The following ATAD2 variants were observed in gnomAD, a reference collection of about 807,000 sequenced individuals.
The protein encoded by ATAD2 is ATPase family AAA domain-containing protein 2.
In ATAD2, 62 loss-of-function variants were observed where a neutral mutation model predicts 168.9. The ratio of observed to expected loss-of-function variants is 0.37; its 90% CI spans 0.30 to 0.45. The LOEUF is 0.45. Ranked by LOEUF, ATAD2 falls within the 20% of genes least tolerant of loss-of-function variation. ATAD2 has a pLI of 1.00. For missense variants in ATAD2, 1,419 were observed against 1,667.8 expected (o/e 0.85, Z 2.60); for synonymous variants, 613 against 571.6 (o/e 1.07, Z -1.03).
intron 26 of ATAD2, 37 bp from the exon 27 acceptor site, chr8:123,323,103 G>C (rs371404995): frequency 6.3e-7 from 1 of 1,578,942 alleles, no homozygotes; most frequent in African/African-American, 1.4e-5. Flanking sequence ...GTGTGAGAGA[G>C]AAACTTCCTC....
Position 123,326,592 on chromosome 8 carries a change from C to G in ATAD2, c.3869-566G>C, listed in dbSNP as rs574374529. Among the ~76,000 whole-genome samples, 3 of 152,052 alleles carry G rather than the reference C, an allele frequency of 2.0e-5. No individual in the cohort carries two copies. The South Asian group carries it at 6.2e-4, about 32-fold the overall frequency. ...GCTTGGGAGGCTGAGGTTTGAGGAT[C>G]GTTTGAGCCGAGGAGGCAGAAGTTG... is the stretch of plus-strand genomic sequence containing the variant. On this transcript the variant is annotated intron_variant, in intron 25 of 27. Coordinates refer to ENST00000287394, the MANE Select transcript of ATAD2 (RefSeq NM_014109.4).
At chr8:123,371,050 T>G in intron 5 of ATAD2, 60 bp from the exon 6 acceptor site, 1 of 1,330,854 alleles carries the variant, frequency 7.5e-7, no homozygotes, top group Non-Finnish European at 1.0e-6. Context: ...AAAAATTAAG[T>G]TGGATCCTCC....
intron 1 of ATAD2, among the ~76,000 whole-genome samples, chr8:123,393,101 C>T (rs771957521): frequency 1.3e-4 from 19 of 150,422 alleles, no homozygotes; most frequent in Non-Finnish European, 1.9e-4. Flanking sequence ...AGGAGAATGG[C>T]GTGAACCCGG....
chr8:123,400,427 T>G (rs913609905), upstream of ATAD2, among the ~76,000 whole-genome samples: 2 of 152,108 alleles, frequency 1.3e-5, no homozygotes, highest in Non-Finnish European at 2.9e-5. This position sits in a 1 kb window ranked among gnomAD's most constrained non-coding sequence, Gnocchi z 4.5. Context: ...ACCAGCTACT[T>G]GGGAGGCTGA....
At chr8:123,365,261 T>A (rs1289017483) in intron 8 of ATAD2, among the ~76,000 whole-genome samples, 1 of 152,104 alleles carries the variant, frequency 6.6e-6, no homozygotes, top group Admixed American at 6.6e-5. Context: ...TACAAAACAC[T>A]GCTGAAAGAA....
In ATAD2 at chr8:123,356,046, C is replaced by G. The variant is rs770480547; in HGVS notation, c.1646+343G>C. 87 of 154,068 alleles carry G rather than the reference C, an allele frequency of 5.6e-4. No individual in the cohort carries two copies. The Middle Eastern group carries it at 0.017, about 30-fold the overall frequency. The allele number at this position is 154,068 out of a possible 1,614,324, so 9.5% of individuals were successfully genotyped here. On this transcript the variant is annotated intron_variant, in intron 13 of 27. Coordinates refer to ENST00000287394, the MANE Select transcript of ATAD2 (RefSeq NM_014109.4). Reference sequence around the variant, plus strand: ...GATTCTCCTGATTCTCCTGCCTCAGCCTTCCACGGAGCTGGGATTATTAGG... The same window carrying G: ...GATTCTCCTGATTCTCCTGCCTCAGGCTTCCACGGAGCTGGGATTATTAGG...
Position 123,349,272 on chromosome 8 carries a change from A to T in ATAD2, c.1806+13T>A. On this transcript the variant is annotated intron_variant, in intron 14 of 27. Transcript: ENST00000287394. ...TATATTTTGTCAAAATTTGAGTGAC[A>T]TTAAATTCTTACCTCTTTATCAGGC... is the stretch of plus-strand genomic sequence containing the variant. 1 of 1,607,968 alleles carries T rather than the reference A, an allele frequency of 6.2e-7. No homozygotes were observed. Among genetic ancestry groups the T allele is most frequent in the Non-Finnish European group, 8.5e-7 (1 of 1,178,370 alleles).
rs555520838 is a variant in ATAD2, at chr8:123,346,983, A to C, written c.2212+109T>G. 4.2e-5 allele frequency: 54 copies of C among 1,274,968 alleles called. No individual in the cohort carries two copies. In the East Asian group the frequency reaches 1.2e-3, roughly 29 times the overall value. The allele number at this position is 1,274,968 out of a possible 1,614,324, so 79.0% of individuals were successfully genotyped here. A position where few individuals can be genotyped will look rare whatever the true frequency, so the allele number is the denominator to read the frequency against. ...CAAATATCCCAGGTAAAGCATTACC[A>C]AATTCTTTTCAAGAGATTCTTTTAC... is the stretch of plus-strand genomic sequence containing the variant. On this transcript the variant is annotated intron_variant, in intron 16 of 27. Coordinates refer to ENST00000287394, the MANE Select transcript of ATAD2 (RefSeq NM_014109.4).
chr8:123,360,124 T>TA lies in ATAD2; in HGVS notation c.1158-440dup, dbSNP rs1346727615. ...GAAGGTATTATTATTTTCCCCATTT[T>TA]AAAACAAAACCAAGACATAGAAAGA... is the stretch of plus-strand genomic sequence containing the variant. On this transcript the variant is annotated intron_variant, in intron 9 of 27. Transcript: ENST00000287394. Among the ~76,000 whole-genome samples, 5 of 152,316 alleles carry TA rather than the reference T, an allele frequency of 3.3e-5. No individual in the cohort carries two copies. The South Asian group carries it at 8.3e-4, about 25-fold the overall frequency.
intron 19 of ATAD2, among the ~76,000 whole-genome samples, chr8:123,341,023 G>GC (rs529211337): frequency 2.8e-4 from 42 of 151,292 alleles, no homozygotes; most frequent in Admixed American, 2.6e-4. Flanking sequence ...ACTCACTGCA[G>GC]CCCCCACCTC....
At chr8:123,407,974 A>G (rs1446259270) in intron 1 of ATAD2, among the ~76,000 whole-genome samples, 1 of 152,162 alleles carries the variant, frequency 6.6e-6, no homozygotes, top group African/African-American at 2.4e-5. Flanking sequence ...TCATGATTCC[A>G]CTACCTCATT....
intron 25 of ATAD2, 97 bp downstream of exon 25, chr8:123,328,093 G>T: frequency 9.9e-7 from 1 of 1,012,514 alleles, no homozygotes; most frequent in Non-Finnish European, 1.3e-6. Context: ...TCTCTGAAAG[G>T]CAAGCAAAAA....
Position 123,329,981 on chromosome 8 carries a change from C to CTTTTTTTTTTTTTTT in ATAD2, c.3479-1417_3479-1403dup, listed in dbSNP as rs71310666. On this transcript the variant is annotated intron_variant, in intron 24 of 27. Transcript: ENST00000287394. ...AGATTACCTTTCTCCCCAGTGGCTT[C>CTTTTTTTTTTTTTTT]TTTTTTTTTTTTTTTTTTTTTTTTG... Among the ~76,000 whole-genome samples the CTTTTTTTTTTTTTTT allele has an allele frequency of 3.7e-4, 37 of 100,314 alleles. 1 individual carries two copies. The highest frequency in any genetic ancestry group is 1.2e-3 in the African/African-American group (34 of 27,596). The allele number at this position is 100,314 out of a possible 152,430, so 65.8% of individuals were successfully genotyped here. A position where few individuals can be genotyped will look rare whatever the true frequency, so the allele number is the denominator to read the frequency against.
chr8:123,401,409 C>CT (rs1011912346), upstream of ATAD2: 5 of 1,378,292 alleles, frequency 3.6e-6, no homozygotes, highest in Middle Eastern at 2.2e-4. Flanking sequence ...CCGAAGGGAA[C>CT]TTGCTGTATC....
chr8:123,384,588 A>G (rs994833384), intron 1 of ATAD2, among the ~76,000 whole-genome samples: 1 of 152,212 alleles, frequency 6.6e-6, no homozygotes, highest in African/African-American at 2.4e-5. Context: ...AGAGGCAAGA[A>G]AGCAAGAGTA....
At chr8:123,398,871 G>T (rs1812961443), upstream of ATAD2, among the ~76,000 whole-genome samples, 1 of 152,128 alleles carries the variant, frequency 6.6e-6, no homozygotes, top group Non-Finnish European at 1.5e-5. Context: ...TAAAATAATT[G>T]TTTAACCAAC....
intron 1 of ATAD2, among the ~76,000 whole-genome samples, chr8:123,415,278 A>G (rs1212850706): frequency 6.6e-6 from 1 of 152,236 alleles, no homozygotes; most frequent in Non-Finnish European, 1.5e-5. Context: ...TAAAGGAGAA[A>G]TGTTTACCAG....
chr8:123,321,013 T>A lies in ATAD2; in HGVS notation c.*121A>T. ...TATCAGGAAAGTTTAAATACTTTTA[T>A]TTTACTATTTTAATCTTTTCCTTAA... On this transcript the variant is annotated 3_prime_UTR_variant, in exon 28 of 28. Transcript: ENST00000287394. 1 of 846,126 alleles carries A rather than the reference T, an allele frequency of 1.2e-6. No individual in the cohort carries two copies. The highest frequency in any genetic ancestry group is 1.9e-6 in the Non-Finnish European group (1 of 532,154). 52.4% of individuals were successfully genotyped at this position (846,126 alleles called of 1,614,324 possible).
At chr8:123,356,093 A>G (rs999201486) in intron 13 of ATAD2, 2 of 162,306 alleles carry the variant, frequency 1.2e-5, no homozygotes, top group East Asian at 1.6e-4. Context: ...ACACCCGGCT[A>G]ATTTTTTTTT....
Sources: gnomAD v4.1 joint callset for allele counts (sites outside exome capture counted in the v4.1 genomes callset) on GRCh38, gnomAD v4.1.1 for gene constraint, Gnocchi (gnomAD v3.1) non-coding constraint, MANE v1.5 for transcripts, NCBI Gene and HGNC (gene_info 2026-07-23, HGNC 2026-07-21) for gene names.